The following FARSB variants were observed in gnomAD, a reference collection of about 807,000 sequenced individuals.
The protein encoded by FARSB is phenylalanyl-tRNA synthetase subunit beta, also known as phenylalanine--tRNA ligase beta subunit.
FARSB carries 40 observed loss-of-function variants against 69.6 expected under a neutral mutation model. The ratio of observed to expected loss-of-function variants is 0.57; its 90% CI spans 0.45 to 0.75. The LOEUF is 0.75. FARSB is among the 30% of genes least tolerant of loss of function. The pLI is 0.00. For missense variants in FARSB, 632 were observed against 722.9 expected, an observed-to-expected ratio of 0.87 and a Z score of 1.44; for synonymous variants, 235 against 247.2, an observed-to-expected ratio of 0.95 and a Z score of 0.46.
chr2:222,638,612 A>G (rs147225127), intron 5 of FARSB, among the ~76,000 whole-genome samples: 23 of 152,284 alleles, frequency 1.5e-4, no homozygotes, highest in African/African-American at 5.1e-4. Context: ...CTACTACCAC[A>G]TGGACAAAGA....
chr2:222,636,843 G>A (rs759304474), intron 5 of FARSB, among the ~76,000 whole-genome samples: 3 of 152,114 alleles, frequency 2.0e-5, no homozygotes, highest in African/African-American at 4.8e-5. Context: ...TATTCTATAT[G>A]CATCAAAAGG....
chr2:222,605,349 A>T lies in FARSB; in HGVS notation c.1463-5266T>A, dbSNP rs567056261. ...GGATGTCACATGCTTCCACTTTAAC[A>T]CACAGGCACGTATTGAAACAACTTT... is the stretch of plus-strand genomic sequence containing the variant. On this transcript the variant is annotated intron_variant, in intron 15 of 16. Coordinates refer to ENST00000281828, the MANE Select transcript of FARSB (RefSeq NM_005687.5). 2.0e-5 allele frequency among the ~76,000 whole-genome samples: 3 copies of T among 152,302 alleles called. No individual in the cohort carries two copies. The East Asian group carries it at 5.8e-4, about 29-fold the overall frequency.
At chr2:222,650,669 T>C (rs1009213009) in intron 1 of FARSB, among the ~76,000 whole-genome samples, 1 of 152,170 alleles carries the variant, frequency 6.6e-6, no homozygotes, top group Non-Finnish European at 1.5e-5. Context: ...CCATGATCCC[T>C]GCCTCCTTGT....
chr2:222,575,641 A>T (rs1424943853), intron 16 of FARSB, among the ~76,000 whole-genome samples: 1 of 152,232 alleles, frequency 6.6e-6, no homozygotes, highest in Admixed American at 6.5e-5. Flanking sequence ...CATAAAACAG[A>T]TGTGGGGGAA....
chr2:222,631,455 A>C (rs142204009), intron 8 of FARSB, 149 bp downstream of exon 8: 3 of 636,158 alleles, frequency 4.7e-6, no homozygotes, highest in African/African-American at 1.9e-5. Context: ...AAAGTGTAGA[A>C]TATCTCTATC....
chr2:222,623,753 G>C (rs769402571), intron 12 of FARSB, 23 bp from the exon 13 acceptor site: 2 of 1,419,780 alleles, frequency 1.4e-6, no homozygotes, highest in Admixed American at 1.7e-5. Flanking sequence ...GCATCCACTT[G>C]ATTTCACCGC....
chr2:222,579,784 G>C (rs886933226), intron 16 of FARSB, among the ~76,000 whole-genome samples: 1 of 152,202 alleles, frequency 6.6e-6, no homozygotes, highest in Non-Finnish European at 1.5e-5. Context: ...CCAGTCTGTA[G>C]CTCATCCAAC....
chr2:222,613,969 C>T (rs1243066290), intron 14 of FARSB, 41 bp from the exon 15 acceptor site: 1 of 1,188,652 alleles, frequency 8.4e-7, no homozygotes. Flanking sequence ...CAAATAGGAC[C>T]CAAACAAAGA....
intron 1 of FARSB, among the ~76,000 whole-genome samples, chr2:222,655,339 C>T (rs1383593978): frequency 6.6e-6 from 1 of 152,106 alleles, no homozygotes; most frequent in East Asian, 1.9e-4. Context: ...AAGTCTACAC[C>T]CATTTAATAC....
chr2:222,612,754 T>C (rs1251259218), intron 15 of FARSB, among the ~76,000 whole-genome samples: 1 of 152,116 alleles, frequency 6.6e-6, no homozygotes, highest in Non-Finnish European at 1.5e-5. Context: ...CTTCGAACAG[T>C]CAGATTTGTA....
At position 222,625,913 on chromosome 2, in the gene FARSB, G is replaced by A. The variant is rs184718380; in HGVS notation, c.901-1138C>T. The stretch of plus-strand genomic sequence containing the variant: ...ATTATCTGATTATCAGATAATAAGC[G>A]TTTGGTATATGTATTTAATAAGTGA... On this transcript the variant is annotated intron_variant, in intron 10 of 16. Transcript: ENST00000281828. 5.5e-4 allele frequency among the ~76,000 whole-genome samples: 84 copies of A among 152,250 alleles called. 1 individual carries two copies. Among genetic ancestry groups the A allele is most frequent in the African/African-American group, 1.2e-3 (51 of 41,538 alleles).
intron 16 of FARSB, among the ~76,000 whole-genome samples, chr2:222,593,806 G>A (rs550580133): frequency 6.6e-6 from 1 of 152,194 alleles, no homozygotes; most frequent in East Asian, 1.9e-4. Flanking sequence ...GGGAGGTCAA[G>A]TGGTGATGGC....
In FARSB at chr2:222,630,248, T is replaced by C. The variant is rs1330777413; in HGVS notation, c.787-74A>G. ...TCACTCAGATGGAAATGAATTAATA[T>C]TTAATATAATTGTGTCCTCACATCT... On this transcript the variant is annotated intron_variant, in intron 8 of 16. Transcript: ENST00000281828. 5.3e-6 allele frequency: 4 copies of C among 758,022 alleles called. No individual in the cohort carries two copies. In the East Asian group the frequency reaches 1.2e-4, roughly 23 times the overall value. 47.0% of individuals were successfully genotyped at this position (758,022 alleles called of 1,614,324 possible). A position where few individuals can be genotyped will look rare whatever the true frequency, so the allele number is the denominator to read the frequency against.
At chr2:222,632,092 C>T (rs773318585) in intron 7 of FARSB, among the ~76,000 whole-genome samples, 4 of 151,970 alleles carry the variant, frequency 2.6e-5, no homozygotes, top group Non-Finnish European at 4.4e-5. Context: ...TGCCATTGCA[C>T]TCCAGCCTGG....
intron 1 of FARSB, among the ~76,000 whole-genome samples, chr2:222,649,234 TAAAAAAAAAAAAAA>T (rs71961708): frequency 2.3e-5 from 2 of 88,296 alleles, no homozygotes; most frequent in Admixed American, 1.4e-4. Context: ...CTCAAAAAAT[TAAAAAAAAAAAAAA>T]AAAAAAAAAA....
intron 14 of FARSB, among the ~76,000 whole-genome samples, chr2:222,616,545 C>CA (rs11447332): frequency 0.29 from 21,643 of 74,094 alleles, 4,025 homozygotes; most frequent in Middle Eastern, 0.41. Flanking sequence ...GACTCCATCT[C>CA]AAAAAAAAAA....
In FARSB at chr2:222,624,401, A is replaced by T; in HGVS notation, c.1041T>A (p.Ile347=). ...KSEVIGDGNQ[I]EIEIPPTRAD... Reference sequence around the variant, plus strand: ...CTCTGGTTGGAGGGATTTCAATCTCAATCTGATTCCCATCACCTATGACTT... The same window carrying T: ...CTCTGGTTGGAGGGATTTCAATCTCTATCTGATTCCCATCACCTATGACTT... Residue 347 remains isoleucine, a synonymous_variant, in exon 12 of 17, where the codon ATT becomes ATA. Coordinates refer to ENST00000281828, the MANE Select transcript of FARSB (RefSeq NM_005687.5). 1 of 1,612,138 alleles carries T rather than the reference A, an allele frequency of 6.2e-7. No individual in the cohort carries two copies. Among genetic ancestry groups the T allele is most frequent in the Non-Finnish European group, 8.5e-7 (1 of 1,178,200 alleles).
intron 2 of FARSB, among the ~76,000 whole-genome samples, chr2:222,643,884 C>T (rs1691783681): frequency 6.6e-6 from 1 of 152,190 alleles, no homozygotes; most frequent in Non-Finnish European, 1.5e-5. Flanking sequence ...TTAAACATAA[C>T]CACTGCAGAG....
In FARSB at chr2:222,624,755, C is replaced by T; in HGVS notation, c.921G>A (p.Glu307=). The change falls in exon 11 of 17, where the codon GAG becomes GAA. Residue 307 remains glutamate, a synonymous_variant. Transcript: ENST00000281828. ...TGTTAATTAGGTCAGCTCTCACCAT[C>T]TCCTTTCGGTAAGCTAATTCCTTAA... ...HTFPELAYRK[E]MVRADLINKK... 1 of 1,603,456 alleles carries T rather than the reference C, an allele frequency of 6.2e-7. No homozygotes were observed. Among genetic ancestry groups the T allele is most frequent in the Non-Finnish European group, 8.5e-7 (1 of 1,173,204 alleles).
Sources: allele counts gnomAD v4.1 joint callset (sites outside exome capture counted in the v4.1 genomes callset), GRCh38; gene constraint gnomAD v4.1.1; transcripts MANE v1.5; gene names NCBI Gene and HGNC (gene_info 2026-07-23, HGNC 2026-07-21).